FOXP2: variants seen among roughly 807,000 people sequenced by gnomAD.
The protein encoded by FOXP2 is forkhead box P2, also known as forkhead box protein P2.
Under a neutral mutation model 115.8 loss-of-function variants are expected in FOXP2, and 12 were observed. The observed-to-expected ratio is 0.10, with a 90% CI of 0.07 to 0.17. The LOEUF (loss-of-function observed/expected upper bound fraction) is 0.17. FOXP2 is among the 10% of genes least tolerant of loss of function. The pLI is 1.00. For synonymous variants in FOXP2, 328 were observed against 297.7 expected, an observed-to-expected ratio of 1.10 and a Z score of -1.05; for missense variants, 629 against 843.5, an observed-to-expected ratio of 0.75 and a Z score of 3.15.
intron 2 of FOXP2, among the ~76,000 whole-genome samples, chr7:114,477,873 A>T (rs1796355112): frequency 6.6e-6 from 1 of 151,868 alleles, no homozygotes; most frequent in African/African-American, 2.4e-5. Flanking sequence ...GGAAGGGAGA[A>T]TTGATACTGT....
At chr7:114,470,398 T>C (rs1156942558) in intron 2 of FOXP2, among the ~76,000 whole-genome samples, 1 of 152,184 alleles carries the variant, frequency 6.6e-6, no homozygotes, top group Non-Finnish European at 1.5e-5. Context: ...CTAAACCAAA[T>C]AAAGTCATTT....
At chr7:114,206,953 G>C (rs1304862213) in intron 1 of FOXP2, among the ~76,000 whole-genome samples, 2 of 152,108 alleles carry the variant, frequency 1.3e-5, no homozygotes, top group Non-Finnish European at 1.5e-5. Flanking sequence ...ATTCTCATTA[G>C]CAGTCTCTCA....
chr7:114,297,616 T>C (rs1796775917), intron 2 of FOXP2, among the ~76,000 whole-genome samples: 1 of 152,206 alleles, frequency 6.6e-6, no homozygotes, highest in Non-Finnish European at 1.5e-5. Context: ...CTGAAAGAAG[T>C]CCTTGACACT....
chr7:114,308,348 C>A (rs1797066607), intron 2 of FOXP2, among the ~76,000 whole-genome samples: 1 of 152,078 alleles, frequency 6.6e-6, no homozygotes, highest in Admixed American at 6.6e-5. Context: ...AGGGACTGAA[C>A]TACAATTAGT....
chr7:114,097,420 G>A (rs921002678), intron 1 of FOXP2, among the ~76,000 whole-genome samples: 10 of 152,096 alleles, frequency 6.6e-5, no homozygotes, highest in South Asian at 2.1e-4. Flanking sequence ...GTCACTTAGC[G>A]TAATGCATTT....
intron 3 of FOXP2, among the ~76,000 whole-genome samples, chr7:114,565,489 C>T (rs958274358): frequency 6.6e-6 from 1 of 152,198 alleles, no homozygotes; most frequent in Admixed American, 6.5e-5. Flanking sequence ...TATCCCTGGA[C>T]GCTATACCAG....
chr7:114,468,417 A>G (rs945870848), intron 2 of FOXP2, among the ~76,000 whole-genome samples: 64 of 152,216 alleles, frequency 4.2e-4, no homozygotes, highest in African/African-American at 1.4e-3. Context: ...TATTACCTTC[A>G]GGATAAAATC....
At chr7:114,162,561 A>G (rs536872831), upstream of FOXP2, among the ~76,000 whole-genome samples, 1 of 152,178 alleles carries the variant, frequency 6.6e-6, no homozygotes, top group South Asian at 2.1e-4. Flanking sequence ...GCCCTAAGAC[A>G]TTAAAAAAAA....
At chr7:114,497,566 T>C (rs1797376080) in intron 2 of FOXP2, among the ~76,000 whole-genome samples, 1 of 152,068 alleles carries the variant, frequency 6.6e-6, no homozygotes, top group African/African-American at 2.4e-5. Flanking sequence ...GGAGAATCAC[T>C]TGAACCCAGG....
chr7:114,358,637 G>C (rs1293593327), intron 2 of FOXP2, among the ~76,000 whole-genome samples: 1 of 152,112 alleles, frequency 6.6e-6, no homozygotes, highest in Admixed American at 6.5e-5. Context: ...ATTGGGACCT[G>C]GAACAAAGGT....
intron 3 of FOXP2, among the ~76,000 whole-genome samples, chr7:114,553,224 C>T (rs907005997): frequency 4.6e-5 from 7 of 152,152 alleles, no homozygotes; most frequent in African/African-American, 1.2e-4. Context: ...TTACAAAATG[C>T]GAGCACTTGG....
intron 3 of FOXP2, among the ~76,000 whole-genome samples, chr7:114,609,052 A>G (rs1326487636): frequency 6.6e-6 from 1 of 151,874 alleles, no homozygotes; most frequent in African/African-American, 2.4e-5. Context: ...AACAAAACAA[A>G]ACAAAACAAA....
intron 2 of FOXP2, among the ~76,000 whole-genome samples, chr7:114,372,778 T>G (rs1412886694): frequency 6.6e-6 from 1 of 152,178 alleles, no homozygotes; most frequent in Non-Finnish European, 1.5e-5. Context: ...AAGGTTAATC[T>G]GTTCTCGACA....
At position 114,691,288 on chromosome 7, in the gene FOXP2, A is replaced by C. The variant is rs1808656140; in HGVS notation, c.*1362A>C. 1 of 451,806 alleles carries C rather than the reference A, an allele frequency of 2.2e-6. No homozygotes were observed. Among genetic ancestry groups the C allele is most frequent in the Non-Finnish European group, 4.4e-6 (1 of 226,314 alleles). 28.0% of individuals were successfully genotyped at this position (451,806 alleles called of 1,614,324 possible). A position where few individuals can be genotyped will look rare whatever the true frequency, so the allele number is the denominator to read the frequency against. ...TATAATGAAAAAACAAAAAGTAGGA[A>C]CCAAACATAAAAGGTCTAGTAAAGC... On this transcript the variant is annotated 3_prime_UTR_variant, in exon 17 of 17. Transcript: ENST00000350908.
chr7:114,394,903 C>T (rs745725011), intron 2 of FOXP2, among the ~76,000 whole-genome samples: 1 of 152,120 alleles, frequency 6.6e-6, no homozygotes, highest in African/African-American at 2.4e-5. Flanking sequence ...ATTATTAGGA[C>T]AAGTGACTAA....
chr7:114,692,650 T>G lies in FOXP2; in HGVS notation c.*2724T>G, dbSNP rs1315685416. The G allele has an allele frequency of 6.8e-6, 3 of 442,764 alleles. No individual in the cohort carries two copies. In the Admixed American group the frequency reaches 7.4e-5, roughly 11 times the overall value. 27.4% of individuals were successfully genotyped at this position (442,764 alleles called of 1,614,324 possible). ...TAAGGCTTTGAACTAATGTATGTAT[T>G]TATTGCTTGAACTTCTGTGCATACC... is the stretch of plus-strand genomic sequence containing the variant. On this transcript the variant is annotated 3_prime_UTR_variant, in exon 17 of 17. Transcript: ENST00000350908.
chr7:114,213,033 G>C (rs1307139890), intron 1 of FOXP2, among the ~76,000 whole-genome samples: 2 of 152,214 alleles, frequency 1.3e-5, no homozygotes, highest in African/African-American at 4.8e-5. Context: ...TTTATGGTCA[G>C]TATTCCAGTG....
rs3028251 is a variant in FOXP2, at chr7:114,526,172, T to TAAAAAAAAA, written c.169-8430_169-8422dup. Among the ~76,000 whole-genome samples the TAAAAAAAAA allele has an allele frequency of 1.2e-3, 95 of 79,728 alleles. 4 individuals are homozygous for TAAAAAAAAA. The highest frequency in any genetic ancestry group is 0.01 in the East Asian group (25 of 2,480). The allele number at this position is 79,728 out of a possible 152,430, so 52.3% of individuals were successfully genotyped here. A position where few individuals can be genotyped will look rare whatever the true frequency, so the allele number is the denominator to read the frequency against. ...TAAGCTCATTATTATGTTTCTTTAT[T>TAAAAAAAAA]AAAAAAAAAAAAAAAAAAAAAAAGG... On this transcript the variant is annotated intron_variant, in intron 2 of 16. Transcript: ENST00000350908.
At chr7:114,650,510 T>A (rs1302356845) in intron 8 of FOXP2, among the ~76,000 whole-genome samples, 1 of 151,918 alleles carries the variant, frequency 6.6e-6, no homozygotes, top group East Asian at 1.9e-4. Context: ...TGGTAGAAAA[T>A]TGTCTTACTG....
Sources: gnomAD v4.1 joint callset for allele counts (sites outside exome capture counted in the v4.1 genomes callset) on GRCh38, gnomAD v4.1.1 for gene constraint, MANE v1.5 for transcripts, NCBI Gene and HGNC (gene_info 2026-07-23, HGNC 2026-07-21) for gene names.